Variants in SLC30A6 observed in about 807,000 individuals in gnomAD.
SLC30A6 encodes the protein zinc transporter 6.
Under a neutral mutation model 63.0 loss-of-function variants are expected in SLC30A6, and 55 were observed. The observed-to-expected ratio is 0.87, with a 90% CI of 0.70 to 1.09. The LOEUF (loss-of-function observed/expected upper bound fraction) is 1.09, where lower values mean the gene tolerates loss of function less well. Among genes scored for constraint, SLC30A6 ranks in the 50% least tolerant of loss-of-function variants. The pLI, the probability that SLC30A6 is intolerant of heterozygous loss-of-function variation, is 0.00. For missense variants in SLC30A6, 587 were observed against 549.2 expected (o/e 1.07, Z -0.69); for synonymous variants, 224 against 186.1 (o/e 1.20, Z -1.66).
chr2:32,189,625 T>C (rs1202880758), intron 5 of SLC30A6, among the ~76,000 whole-genome samples: 1 of 73,318 alleles, frequency 1.4e-5, no homozygotes, highest in Non-Finnish European at 2.7e-5. Context: ...TTTTTTTTTT[T>C]TGAGGCAGAA....
chr2:32,193,023 T>C, intron 7 of SLC30A6, 70 bp downstream of exon 7: 1 of 1,030,654 alleles, frequency 9.7e-7, no homozygotes, highest in Non-Finnish European at 1.4e-6. Flanking sequence ...TATTAAACAG[T>C]TGGCCAATGT....
chr2:32,166,377 T>C lies in SLC30A6; in HGVS notation c.3+474T>C, dbSNP rs185731338. On this transcript the variant is annotated intron_variant, in intron 1 of 13. Transcript: ENST00000282587. ...CTCTGCAACTTGGCTTTACTAAATA[T>C]TAAGTAGCCTGATTACGGCAGCAAA... 7.4e-4 allele frequency among the ~76,000 whole-genome samples: 112 copies of C among 152,226 alleles called. 3 individuals carry two copies. The East Asian group carries it at 0.016, about 21-fold the overall frequency.
At chr2:32,183,335 T>C (rs1682509169) in intron 4 of SLC30A6, among the ~76,000 whole-genome samples, 1 of 152,070 alleles carries the variant, frequency 6.6e-6, no homozygotes, top group African/African-American at 2.4e-5. Flanking sequence ...CATTTAAGGA[T>C]TACAAAATAC....
chr2:32,175,173 T>G (rs1681615631), intron 3 of SLC30A6, 146 bp from the exon 4 acceptor site: 3 of 663,104 alleles, frequency 4.5e-6, no homozygotes, highest in Non-Finnish European at 7.8e-6. Context: ...TCAGATTTAC[T>G]AGATAACTGC....
At chr2:32,205,584 A>C (rs1684685063) in intron 11 of SLC30A6, among the ~76,000 whole-genome samples, 1 of 152,102 alleles carries the variant, frequency 6.6e-6, no homozygotes, top group South Asian at 2.1e-4. Flanking sequence ...AATAGTCACA[A>C]ATCTTCCTAT....
intron 13 of SLC30A6, among the ~76,000 whole-genome samples, chr2:32,215,170 G>A (rs957888683): frequency 1.3e-5 from 2 of 152,134 alleles, no homozygotes; most frequent in East Asian, 1.9e-4. Flanking sequence ...AACATGGAGT[G>A]TCTGCTGGAC....
intron 2 of SLC30A6, among the ~76,000 whole-genome samples, chr2:32,171,584 G>A (rs1347091464): frequency 6.6e-6 from 1 of 152,004 alleles, no homozygotes; most frequent in Admixed American, 6.6e-5. Context: ...TTAAAGTTTT[G>A]ATTCTAATTC....
At chr2:32,184,408 G>T in intron 5 of SLC30A6, 70 bp downstream of exon 5, 1 of 813,084 alleles carries the variant, frequency 1.2e-6, no homozygotes, top group Non-Finnish European at 1.8e-6. Flanking sequence ...AGACGATAAA[G>T]AGCTAGCTAG....
In SLC30A6 at chr2:32,221,746, A is replaced by G. The variant is rs1048402061; in HGVS notation, c.*1033A>G. The G allele has an allele frequency of 2.6e-5, 4 of 152,288 alleles. No individual in the cohort carries two copies. The highest frequency in any genetic ancestry group is 3.4e-3 in the Middle Eastern group (1 of 294). 9.4% of individuals were successfully genotyped at this position (152,288 alleles called of 1,614,324 possible). A position where few individuals can be genotyped will look rare whatever the true frequency, so the allele number is the denominator to read the frequency against. On this transcript the variant is annotated 3_prime_UTR_variant, in exon 14 of 14. Transcript: ENST00000282587. Reference sequence around the variant, plus strand: ...ATTTTAGTACATTTGTAAATAGTCCATGGTTCTCAGTGTTTTATTTTGATT... The same window carrying G: ...ATTTTAGTACATTTGTAAATAGTCCGTGGTTCTCAGTGTTTTATTTTGATT...
At position 32,223,999 on chromosome 2, in the gene SLC30A6, T is replaced by C. The variant is rs1377229669; in HGVS notation, c.*3286T>C. The C allele has an allele frequency of 6.6e-6, 1 of 152,322 alleles. No individual in the cohort carries two copies. Among genetic ancestry groups the C allele is most frequent in the African/African-American group, 2.4e-5 (1 of 41,420 alleles). The allele number at this position is 152,322 out of a possible 1,614,324, so 9.4% of individuals were successfully genotyped here. On this transcript the variant is annotated 3_prime_UTR_variant, in exon 14 of 14. Coordinates refer to ENST00000282587, the MANE Select transcript of SLC30A6 (RefSeq NM_017964.5). ...TTTGCTTGACTAAAGAATGCTGATC[T>C]TTTTTGGGAGTCTGATCTCCTTCTA...
chr2:32,224,265 A>G lies in SLC30A6; in HGVS notation c.*3552A>G. ...AGTTGGTGTGACCCAGACCAAAGGTAACACAAAGATGAATGAGAATTCCTT... is the reference window on the plus strand; with the variant it reads ...AGTTGGTGTGACCCAGACCAAAGGTGACACAAAGATGAATGAGAATTCCTT... On this transcript the variant is annotated 3_prime_UTR_variant, in exon 14 of 14. Transcript: ENST00000282587. 1 of 502,372 alleles carries G rather than the reference A, an allele frequency of 2.0e-6. No homozygotes were observed. The highest frequency in any genetic ancestry group is 3.5e-6 in the Non-Finnish European group (1 of 286,554). The allele number at this position is 502,372 out of a possible 1,614,324, so 31.1% of individuals were successfully genotyped here.
intron 10 of SLC30A6, among the ~76,000 whole-genome samples, chr2:32,200,363 C>T (rs1684177423): frequency 6.6e-6 from 1 of 151,852 alleles, no homozygotes; most frequent in African/African-American, 2.4e-5. Flanking sequence ...TACCCAACAG[C>T]TCATTGAGAA....
chr2:32,184,867 A>G (rs1333921973), intron 5 of SLC30A6, among the ~76,000 whole-genome samples: 1 of 152,252 alleles, frequency 6.6e-6, no homozygotes, highest in East Asian at 1.9e-4. Context: ...TTATAAAGCA[A>G]ATATTTTAAA....
chr2:32,204,521 C>G, intron 10 of SLC30A6, 69 bp from the exon 11 acceptor site: 2 of 1,013,552 alleles, frequency 2.0e-6, no homozygotes, highest in Non-Finnish European at 3.0e-6. Context: ...AATTAATGTT[C>G]AGGAGATTTA....
chr2:32,211,712 G>A (rs561329879), intron 13 of SLC30A6, among the ~76,000 whole-genome samples: 1 of 152,180 alleles, frequency 6.6e-6, no homozygotes, highest in African/African-American at 2.4e-5. Context: ...CTGCCTCCAG[G>A]GTTCAAGCGA....
chr2:32,209,272 G>T (rs1413507164), intron 12 of SLC30A6, among the ~76,000 whole-genome samples: 2 of 152,194 alleles, frequency 1.3e-5, no homozygotes, highest in African/African-American at 4.8e-5. Flanking sequence ...GATTCTAAAA[G>T]AATTGGGGCA....
chr2:32,206,015 G>T (rs543979783), intron 11 of SLC30A6, among the ~76,000 whole-genome samples: 5 of 152,002 alleles, frequency 3.3e-5, no homozygotes, highest in Admixed American at 2.6e-4. Flanking sequence ...ATGTGCTTTG[G>T]CTTTTGTGTA....
chr2:32,196,317 AAAC>A (rs1683785995), intron 8 of SLC30A6, among the ~76,000 whole-genome samples: 1 of 152,142 alleles, frequency 6.6e-6, no homozygotes, highest in Non-Finnish European at 1.5e-5. Context: ...CTCCATCTCA[AAAC>A]AAAAAAAAAA....
intron 1 of SLC30A6, among the ~76,000 whole-genome samples, chr2:32,168,393 GA>G (rs1456829296): frequency 6.7e-6 from 1 of 149,426 alleles, no homozygotes; most frequent in Non-Finnish European, 1.5e-5. Context: ...CATGCTGTGT[GA>G]AAACAGTGCC....
Sources: allele counts gnomAD v4.1 joint callset (sites outside exome capture counted in the v4.1 genomes callset), GRCh38; gene constraint gnomAD v4.1.1; transcripts MANE v1.5; gene names NCBI Gene and HGNC (gene_info 2026-07-23, HGNC 2026-07-21).